The following MTMR3 variants were observed in gnomAD, a reference collection of about 807,000 sequenced individuals.
The protein encoded by MTMR3 is myotubularin related protein 3.
A neutral mutation model predicts 132.4 loss-of-function variants in MTMR3; 32 were observed. The ratio of observed to expected loss-of-function variants is 0.24; its 90% CI spans 0.18 to 0.32. The LOEUF is 0.32. MTMR3 is among the 10% of genes least tolerant of loss of function. MTMR3 has a pLI of 1.00. For synonymous variants in MTMR3, 556 were observed against 550.3 expected (o/e 1.01, Z -0.14); for missense variants, 1,216 against 1,489.6 (o/e 0.82, Z 3.02).
rs2067910261 is a variant in MTMR3 at position 30,026,290 on chromosome 22, G to A, written c.*489G>A. 6.2e-6 allele frequency: 1 copy of A among 160,548 alleles called. No homozygotes were observed. The highest frequency in any genetic ancestry group is 1.8e-4 in the South Asian group (1 of 5,668). The allele number at this position is 160,548 out of a possible 1,614,324, so 9.9% of individuals were successfully genotyped here. ...GGAACCCTTTGCTGCTGGGGAGGCT[G>A]GAAGCATATTCCCCAAGAGCACTGC... is the stretch of plus-strand genomic sequence containing the variant. On this transcript the variant is annotated 3_prime_UTR_variant, in exon 20 of 20. Transcript: ENST00000401950.
intron 8 of MTMR3, 173 bp from the exon 9 acceptor site, chr22:30,002,707 C>T: frequency 1.9e-6 from 1 of 532,710 alleles, no homozygotes; most frequent in Non-Finnish European, 3.4e-6. Context: ...TATGGTAACC[C>T]ATTCTGTTGA....
At chr22:29,921,704 G>A (rs1372383286) in intron 1 of MTMR3, among the ~76,000 whole-genome samples, 4 of 151,888 alleles carry the variant, frequency 2.6e-5, no homozygotes, top group African/African-American at 9.7e-5. Flanking sequence ...CCTAGTCCTT[G>A]GCAATTACCA....
At chr22:29,953,409 G>C (rs1271106273) in intron 1 of MTMR3, among the ~76,000 whole-genome samples, 1 of 152,114 alleles carries the variant, frequency 6.6e-6, no homozygotes, top group Non-Finnish European at 1.5e-5. Context: ...AAGCTGATGT[G>C]CTAGGTGGCA....
At chr22:30,021,998 A>T in intron 17 of MTMR3, 31 bp from the exon 18 acceptor site, 2 of 1,554,024 alleles carry the variant, frequency 1.3e-6, no homozygotes, top group Non-Finnish European at 1.8e-6. Flanking sequence ...GACCAGGTTC[A>T]TTCTGTTCAG....
At chr22:29,913,429 A>G (rs1465297168) in intron 1 of MTMR3, among the ~76,000 whole-genome samples, 1 of 152,206 alleles carries the variant, frequency 6.6e-6, no homozygotes, top group Non-Finnish European at 1.5e-5. Flanking sequence ...TTTAGGGAAA[A>G]TACTGGTCTT....
intron 12 of MTMR3, chr22:30,011,537 A>G (rs1304888906): frequency 6.6e-6 from 1 of 152,130 alleles, no homozygotes; most frequent in African/African-American, 2.4e-5. Flanking sequence ...TAATTTTTGA[A>G]TTTTTAGTAG....
Position 29,998,782 on chromosome 22 carries a change from T to C in MTMR3, c.482T>C (p.Phe161Ser). The change falls in exon 8 of 20, where the codon TTT (phenylalanine) becomes TCT (serine). Residue 161 changes from phenylalanine (F) to serine (S), a missense_variant. This residue lies in a region of MTMR3 where 129 missense variants were observed against 245.7 expected (regional missense o/e 0.53). Transcript: ENST00000401950. ...CTAGGGGAGCATGTAACTTCAAGGT[T>C]TAAAAACGAGGTGGAGAGGATGGGT... Reference protein sequence around the residue: ...CRPGEHVTSRFKNEVERMGFD... With the variant: ...CRPGEHVTSRSKNEVERMGFD... The C allele has an allele frequency of 1.2e-6, 2 of 1,613,080 alleles. No homozygotes were observed. Among genetic ancestry groups the C allele is most frequent in the African/African-American group, 1.3e-5 (1 of 74,994 alleles).
intron 1 of MTMR3, among the ~76,000 whole-genome samples, chr22:29,939,552 T>C (rs1417095368): frequency 2.0e-5 from 3 of 152,184 alleles, no homozygotes; most frequent in Non-Finnish European, 4.4e-5. Flanking sequence ...GTGGGTGAAA[T>C]TGAGCACTGA....
rs1232263102 is a variant in MTMR3 at position 29,979,079 on chromosome 22, C to G, written c.210+27C>G. On this transcript the variant is annotated intron_variant, in intron 5 of 19. Transcript: ENST00000401950. ...TAAGTGATTACCAGCTGTTCTCCCT[C>G]TAAGGTAAATGGAGAAAGTAAGTCA... 6.2e-6 allele frequency: 9 copies of G among 1,452,620 alleles called. No homozygotes were observed. In the Admixed American group the frequency reaches 1.2e-4, roughly 19 times the overall value. The allele number at this position is 1,452,620 out of a possible 1,614,324, so 90.0% of individuals were successfully genotyped here. A position where few individuals can be genotyped will look rare whatever the true frequency, so the allele number is the denominator to read the frequency against.
intron 3 of MTMR3, among the ~76,000 whole-genome samples, chr22:29,974,926 TG>T (rs1359597839): frequency 6.6e-6 from 1 of 152,236 alleles, no homozygotes; most frequent in Non-Finnish European, 1.5e-5. Context: ...TATTGGTTTA[TG>T]AGAAAAATCT....
intron 1 of MTMR3, among the ~76,000 whole-genome samples, chr22:29,915,478 G>A (rs907290325): frequency 3.3e-5 from 5 of 152,178 alleles, no homozygotes; most frequent in Non-Finnish European, 5.9e-5. Flanking sequence ...CTGGAGTGCA[G>A]TGATGCCATC....
Position 29,991,517 on chromosome 22 carries a change from A to G in MTMR3, c.307A>G (p.Thr103Ala). The change falls in exon 7 of 20, where the codon ACC becomes GCC. Residue 103 changes from threonine to alanine, a missense_variant. This residue lies in a region of MTMR3 where 129 missense variants were observed against 245.7 expected (regional missense o/e 0.53). Transcript: ENST00000401950. ...DCKVIRCQFS[T>A]FEQCQEWLKR... is the part of the protein sequence containing the mutation. The stretch of plus-strand genomic sequence containing the variant: ...GCTTTACAAAAGGTGTCAGTTTTCA[A>G]CCTTTGAGCAGTGTCAAGAGTGGCT... The G allele has an allele frequency of 6.2e-7, 1 of 1,608,638 alleles. No homozygotes were observed. The highest frequency in any genetic ancestry group is 8.5e-7 in the Non-Finnish European group (1 of 1,178,190).
chr22:29,907,690 A>G (rs1162673685), intron 1 of MTMR3, among the ~76,000 whole-genome samples: 1 of 152,218 alleles, frequency 6.6e-6, no homozygotes, highest in Non-Finnish European at 1.5e-5. Context: ...GCTTGCACAT[A>G]AGAGAATCTT....
At chr22:30,019,401 G>A (rs1601434142) in intron 16 of MTMR3, 79 bp from the exon 17 acceptor site, 1 of 1,360,384 alleles carries the variant, frequency 7.4e-7, no homozygotes, top group East Asian at 2.3e-5. Flanking sequence ...TGAAACAACT[G>A]CTTGTTAAAA....
rs143499849 is a variant in MTMR3 at position 29,961,147 on chromosome 22, G to A, written c.-85+4059G>A. 6.2e-4 allele frequency among the ~76,000 whole-genome samples: 94 copies of A among 152,174 alleles called. 3 individuals are homozygous for A. In the East Asian group the frequency reaches 0.016, roughly 25 times the overall value. ...GTGTTTTTTTTAAATAGAAGAGTATGTAGTCTTTGGCAATAATAACCCCTC... is the reference window on the plus strand; with the variant it reads ...GTGTTTTTTTTAAATAGAAGAGTATATAGTCTTTGGCAATAATAACCCCTC... On this transcript the variant is annotated intron_variant, in intron 2 of 19. Coordinates refer to ENST00000401950, the MANE Select transcript of MTMR3 (RefSeq NM_021090.4).
intron 1 of MTMR3, among the ~76,000 whole-genome samples, chr22:29,944,377 C>T (rs971809051): frequency 2.6e-5 from 4 of 151,900 alleles, no homozygotes; most frequent in Non-Finnish European, 5.9e-5. Context: ...ATCTGACTTA[C>T]GTGTTAGTTT....
intron 1 of MTMR3, among the ~76,000 whole-genome samples, chr22:29,900,746 A>G (rs1292802166): frequency 6.6e-6 from 1 of 152,052 alleles, no homozygotes; most frequent in Non-Finnish European, 1.5e-5. Context: ...AAAGGGTCTC[A>G]CTCTGTCACC....
chr22:30,007,388 C>T, intron 10 of MTMR3, 69 bp downstream of exon 10: 1 of 1,433,746 alleles, frequency 7.0e-7, no homozygotes, highest in Non-Finnish European at 9.7e-7. Flanking sequence ...GAAATGGCCT[C>T]TTCCTTACAA....
In MTMR3 at chr22:30,007,271, A is replaced by G. The variant is rs1433286896; in HGVS notation, c.829A>G (p.Thr277Ala). The G allele has an allele frequency of 3.1e-6, 5 of 1,614,174 alleles. No individual in the cohort carries two copies. Among genetic ancestry groups the G allele is most frequent in the Non-Finnish European group, 1.7e-6 (2 of 1,180,016 alleles). The change falls in exon 10 of 20, where the codon ACT becomes GCT. Residue 277 changes from threonine to alanine, a missense_variant. Physicochemically the swap from Thr to Ala is moderately conservative, Grantham distance 58 (BLOSUM62 0). Around this residue, in one of 7 missense-constraint regions of MTMR3, gnomAD observed 47 missense variants for 46.8 expected, o/e 1.00. Transcript: ENST00000401950. ...TGGCAGCAAGCTGTCAACTAGGAAC[A>G]CTTCTCGAGACTTTCCCAATGGGGG... ...SSGSKLSTRN[T>A]SRDFPNGGDL...
Sources: gnomAD v4.1 joint callset for allele counts (sites outside exome capture counted in the v4.1 genomes callset) on GRCh38, gnomAD v4.1.1 for gene constraint, gnomAD v4.1.1 regional missense constraint, MANE v1.5 for transcripts, NCBI Gene and HGNC (gene_info 2026-07-23, HGNC 2026-07-21) for gene names.